Variants in MIPOL1 observed in about 807,000 individuals in gnomAD.
The protein encoded by MIPOL1 is mirror-image polydactyly gene 1 protein.
In MIPOL1, 57 loss-of-function variants were observed where a neutral mutation model predicts 60.9. The ratio of observed to expected loss-of-function variants is 0.94; its 90% CI spans 0.76 to 1.17. MIPOL1 has a LOEUF of 1.17. Ranked by LOEUF, MIPOL1 falls within the 50% of genes most tolerant of loss-of-function variation. The pLI is 0.00. For synonymous variants in MIPOL1, 179 were observed against 168.8 expected (o/e 1.06, Z -0.47); for missense variants, 551 against 511.6 (o/e 1.08, Z -0.74).
At chr14:37,513,496 T>A (rs1397768831) in intron 12 of MIPOL1, among the ~76,000 whole-genome samples, 1 of 152,138 alleles carries the variant, frequency 6.6e-6, no homozygotes, top group African/African-American at 2.4e-5. Context: ...AGAAACATAG[T>A]TTTAATTATC....
At chr14:37,465,120 C>T (rs2094583088) in intron 11 of MIPOL1, among the ~76,000 whole-genome samples, 1 of 152,140 alleles carries the variant, frequency 6.6e-6, no homozygotes, top group South Asian at 2.1e-4. Flanking sequence ...GACATGTCTT[C>T]AGGAGGCATA....
At chr14:37,334,643 A>G (rs773572174) in intron 9 of MIPOL1, among the ~76,000 whole-genome samples, 2 of 151,942 alleles carry the variant, frequency 1.3e-5, no homozygotes, top group African/African-American at 4.8e-5. Context: ...CCCTGTACCC[A>G]TTAATAGACA....
At chr14:37,220,396 A>C (rs1968549316) in intron 1 of MIPOL1, among the ~76,000 whole-genome samples, 1 of 152,218 alleles carries the variant, frequency 6.6e-6, no homozygotes, top group African/African-American at 2.4e-5. Flanking sequence ...ATGTCTTGAA[A>C]GTAATTAGTA....
At chr14:37,317,181 G>C (rs982425464) in intron 9 of MIPOL1, among the ~76,000 whole-genome samples, 5 of 152,172 alleles carry the variant, frequency 3.3e-5, no homozygotes, top group African/African-American at 4.8e-5. Flanking sequence ...TTAGTAAAGG[G>C]AAGTTGGGGG....
chr14:37,422,028 T>A (rs762301787), intron 10 of MIPOL1, among the ~76,000 whole-genome samples: 1 of 152,016 alleles, frequency 6.6e-6, no homozygotes, highest in Non-Finnish European at 1.5e-5. Context: ...TTATGAAAAT[T>A]TAACTTTGAA....
rs1443888186 is a variant in MIPOL1, at chr14:37,270,407, C to T, written c.388-13C>T. 2 of 1,392,108 alleles carry T rather than the reference C, an allele frequency of 1.4e-6. No homozygotes were observed. Among genetic ancestry groups the T allele is most frequent in the Admixed American group, 2.4e-5 (1 of 42,082 alleles). 86.2% of individuals were successfully genotyped at this position (1,392,108 alleles called of 1,614,324 possible). A position where few individuals can be genotyped will look rare whatever the true frequency, so the allele number is the denominator to read the frequency against. Reference sequence around the variant, plus strand: ...TCAAATAAGAATCCATGATTTTTTTCAATGTGCTTTAGCTTCAGCAGAAAT... The same window carrying T: ...TCAAATAAGAATCCATGATTTTTTTTAATGTGCTTTAGCTTCAGCAGAAAT... On this transcript the variant is annotated splice_polypyrimidine_tract_variant and intron_variant, in intron 5 of 12. Transcript: ENST00000684589.
At chr14:37,326,739 A>G (rs2089199054) in intron 9 of MIPOL1, among the ~76,000 whole-genome samples, 1 of 152,198 alleles carries the variant, frequency 6.6e-6, no homozygotes, top group Admixed American at 6.5e-5. Flanking sequence ...GAGGAGTGAT[A>G]GGAATGTCTG....
chr14:37,231,571 A>C (rs933938978), intron 1 of MIPOL1, among the ~76,000 whole-genome samples: 1 of 152,146 alleles, frequency 6.6e-6, no homozygotes, highest in Non-Finnish European at 1.5e-5. Flanking sequence ...TGATTTCTCT[A>C]CTTAAAAAGT....
At chr14:37,418,710 T>C (rs183508851) in intron 10 of MIPOL1, among the ~76,000 whole-genome samples, 72 of 152,140 alleles carry the variant, frequency 4.7e-4, no homozygotes, top group African/African-American at 1.3e-3. Context: ...TCTTGCAAAA[T>C]AGGGATAATA....
At chr14:37,518,126 T>C (rs2095384403) in intron 12 of MIPOL1, among the ~76,000 whole-genome samples, 1 of 152,134 alleles carries the variant, frequency 6.6e-6, no homozygotes, top group African/African-American at 2.4e-5. Context: ...AGAACAGAAA[T>C]ACATGCAAAG....
At chr14:37,488,639 CAAA>C (rs913067804) in intron 11 of MIPOL1, among the ~76,000 whole-genome samples, 29 of 152,164 alleles carry the variant, frequency 1.9e-4, no homozygotes, top group African/African-American at 7.0e-4. Flanking sequence ...CTGGTGATGA[CAAA>C]AATCTCTCAG....
intron 12 of MIPOL1, chr14:37,501,501 A>T (rs1038697093): frequency 1.3e-5 from 2 of 152,220 alleles, no homozygotes; most frequent in East Asian, 3.8e-4. Flanking sequence ...TGTGTTATCA[A>T]CCTTTTATTT....
chr14:37,221,848 G>A (rs1308090237), intron 1 of MIPOL1, among the ~76,000 whole-genome samples: 1 of 152,128 alleles, frequency 6.6e-6, no homozygotes, highest in Non-Finnish European at 1.5e-5. Flanking sequence ...GAGTTTTGGA[G>A]GGGACATTCA....
intron 12 of MIPOL1, among the ~76,000 whole-genome samples, chr14:37,521,910 A>ATT (rs34333538): frequency 1.2e-3 from 155 of 132,768 alleles, no homozygotes; most frequent in East Asian, 6.0e-3. Flanking sequence ...ATATATATAT[A>ATT]TTTTTTTTTT....
At chr14:37,480,031 G>A (rs984658531) in intron 11 of MIPOL1, among the ~76,000 whole-genome samples, 2 of 151,902 alleles carry the variant, frequency 1.3e-5, no homozygotes, top group Admixed American at 1.3e-4. Flanking sequence ...CTATAAAGAG[G>A]TTAAATCAGA....
At chr14:37,451,038 A>G (rs1244510250) in intron 11 of MIPOL1, among the ~76,000 whole-genome samples, 1 of 152,206 alleles carries the variant, frequency 6.6e-6, no homozygotes, top group African/African-American at 2.4e-5. Context: ...AAGTTAATGC[A>G]GTCATAATAT....
chr14:37,292,973 C>G (rs2153419008), intron 7 of MIPOL1, among the ~76,000 whole-genome samples: 1 of 152,202 alleles, frequency 6.6e-6, no homozygotes, highest in South Asian at 2.1e-4. Flanking sequence ...TGCTTGGTGC[C>G]AAGCATTAAG....
intron 9 of MIPOL1, among the ~76,000 whole-genome samples, chr14:37,367,456 C>T (rs1471813524): frequency 2.6e-5 from 4 of 151,874 alleles, no homozygotes; most frequent in Admixed American, 2.0e-4. Context: ...TTGGAAAAAT[C>T]CCTATTCCTG....
At chr14:37,270,377 A>T in intron 5 of MIPOL1, 43 bp from the exon 6 acceptor site, 1 of 1,045,742 alleles carries the variant, frequency 9.6e-7, no homozygotes, top group Non-Finnish European at 1.3e-6. Context: ...TTTGCAAGAC[A>T]TTTGTCAAAT....
Sources: gnomAD v4.1 joint callset for allele counts (sites outside exome capture counted in the v4.1 genomes callset) on GRCh38, gnomAD v4.1.1 for gene constraint, MANE v1.5 for transcripts, NCBI Gene and HGNC (gene_info 2026-07-23, HGNC 2026-07-21) for gene names.